Variants in TENM3 observed in about 807,000 individuals in gnomAD.
The protein encoded by TENM3 is teneurin transmembrane protein 3, also known as teneurin-3.
A neutral mutation model predicts 255.1 loss-of-function variants in TENM3; 63 were observed. The ratio of observed to expected loss-of-function variants is 0.25; its 90% CI spans 0.20 to 0.30. TENM3 has a LOEUF of 0.30. TENM3 is among the 10% of genes least tolerant of loss of function. The pLI is 1.00. For synonymous variants in TENM3, 1,306 were observed against 1,322.3 expected, an observed-to-expected ratio of 0.99 and a Z score of 0.27; for missense variants, 2,929 against 3,461.1, an observed-to-expected ratio of 0.85 and a Z score of 3.86.
chr4:181,488,888 G>A, the TENM3 span, among the ~76,000 whole-genome samples: 36 of 152,130 alleles, frequency 2.4e-4, no homozygotes, highest in African/African-American at 6.3e-4. Context: ...TATTTGCCTC[G>A]TCACGAACCT....
At chr4:182,649,958 G>A (rs565491349) in intron 5 of TENM3, among the ~76,000 whole-genome samples, 71 of 150,494 alleles carry the variant, frequency 4.7e-4, no homozygotes, top group African/African-American at 1.5e-3. Flanking sequence ...TCAGAAGGTC[G>A]GGGTTTGAGG....
chr4:182,130,956 T>C, the TENM3 span, among the ~76,000 whole-genome samples: 1 of 152,150 alleles, frequency 6.6e-6, no homozygotes, highest in African/African-American at 2.4e-5. Flanking sequence ...ACTTCTTGTG[T>C]GGCAGATTTA....
At chr4:181,699,722 T>C in the TENM3 span, among the ~76,000 whole-genome samples, 3 of 152,130 alleles carry the variant, frequency 2.0e-5, no homozygotes, top group Non-Finnish European at 2.9e-5. Flanking sequence ...TTTCCTTTTG[T>C]AACAAAACAA....
Position 182,352,133 on chromosome 4 carries a change from C to G in TENM3, c.511+5204C>G, listed in dbSNP as rs372193304. ...CCTCCTTCCTTACCCCACCCCACCC[C>G]AGGGCTGCATTCATCAAGTGTTCTG... is the stretch of plus-strand genomic sequence containing the variant. On this transcript the variant is annotated intron_variant, in intron 3 of 27. Coordinates refer to ENST00000511685, the MANE Select transcript of TENM3 (RefSeq NM_001080477.4). 2.0e-5 allele frequency among the ~76,000 whole-genome samples: 3 copies of G among 151,970 alleles called. No individual in the cohort carries two copies. In the East Asian group the frequency reaches 5.9e-4, roughly 30 times the overall value.
chr4:182,701,210 C>CTTTT (rs35538818), intron 12 of TENM3, among the ~76,000 whole-genome samples: 779 of 38,644 alleles, frequency 0.02, 282 homozygotes, highest in Middle Eastern at 0.067. Flanking sequence ...CAACTCTTGA[C>CTTTT]TTTTTTTTTT....
the TENM3 span, among the ~76,000 whole-genome samples, chr4:181,653,427 C>T: frequency 2.8e-5 from 4 of 141,806 alleles, no homozygotes; most frequent in East Asian, 2.1e-4. Flanking sequence ...TGTTTGTTTT[C>T]GAGATGGAGT....
At chr4:181,512,983 A>G in the TENM3 span, among the ~76,000 whole-genome samples, 3 of 152,220 alleles carry the variant, frequency 2.0e-5, no homozygotes, top group Admixed American at 2.0e-4. Flanking sequence ...GCAAAATGTA[A>G]GGAAACAAAT....
chr4:182,510,757 AT>A (rs1560850150), intron 3 of TENM3, among the ~76,000 whole-genome samples: 2 of 151,942 alleles, frequency 1.3e-5, no homozygotes, highest in East Asian at 1.9e-4. Context: ...TTTTTGCAAC[AT>A]TTTTTTCTAA....
chr4:182,449,965 C>G (rs1773312047), intron 3 of TENM3, among the ~76,000 whole-genome samples: 1 of 152,216 alleles, frequency 6.6e-6, no homozygotes, highest in Non-Finnish European at 1.5e-5. Flanking sequence ...TTTCCTCCCT[C>G]TCCTGTGCTG....
At chr4:182,047,266 G>A in the TENM3 span, among the ~76,000 whole-genome samples, 2 of 152,040 alleles carry the variant, frequency 1.3e-5, no homozygotes, top group Non-Finnish European at 2.9e-5. Context: ...ATAAGTATGT[G>A]TTAAATGCAT....
chr4:181,759,888 C>T, the TENM3 span, among the ~76,000 whole-genome samples: 1 of 151,980 alleles, frequency 6.6e-6, no homozygotes. Flanking sequence ...TAAACTCTTC[C>T]TAACAGCCTT....
At chr4:181,809,313 C>T in the TENM3 span, among the ~76,000 whole-genome samples, 1 of 152,126 alleles carries the variant, frequency 6.6e-6, no homozygotes, top group African/African-American at 2.4e-5. Context: ...ACATAAATTT[C>T]GTTTTTAAAA....
intron 3 of TENM3, among the ~76,000 whole-genome samples, chr4:182,543,628 C>T (rs542590588): frequency 3.3e-5 from 5 of 151,866 alleles, no homozygotes; most frequent in Non-Finnish European, 5.9e-5. Context: ...TCTTTTTTTT[C>T]ACCAAAAAAC....
chr4:181,448,831 T>A, the TENM3 span, among the ~76,000 whole-genome samples: 43 of 151,240 alleles, frequency 2.8e-4, no homozygotes, highest in East Asian at 7.5e-3. Context: ...GCATTTAAAG[T>A]TTTTTTTACT....
At chr4:182,277,899 T>C (rs1760110329) in intron 1 of TENM3, among the ~76,000 whole-genome samples, 1 of 152,220 alleles carries the variant, frequency 6.6e-6, no homozygotes, top group South Asian at 2.1e-4. Context: ...TATACTTAGA[T>C]AACATTTACA....
At chr4:181,578,234 C>CTTTG in the TENM3 span, among the ~76,000 whole-genome samples, 100,175 of 151,410 alleles carry the variant, frequency 0.66, 33,447 homozygotes, top group South Asian at 0.77. Flanking sequence ...CTTTCCTTTT[C>CTTTG]TTTGTTTGTT....
At chr4:182,335,717 T>C (rs1764094310) in intron 2 of TENM3, among the ~76,000 whole-genome samples, 1 of 152,048 alleles carries the variant, frequency 6.6e-6, no homozygotes, top group African/African-American at 2.4e-5. Context: ...TAAAACCTTT[T>C]ACATGTAAAT....
At chr4:181,608,723 G>A in the TENM3 span, among the ~76,000 whole-genome samples, 41 of 152,268 alleles carry the variant, frequency 2.7e-4, no homozygotes, top group African/African-American at 4.6e-4. Flanking sequence ...TATCAAGTGC[G>A]TATGAAGCTG....
intron 1 of TENM3, among the ~76,000 whole-genome samples, chr4:182,297,507 C>T (rs1365782356): frequency 1.3e-5 from 2 of 152,182 alleles, no homozygotes; most frequent in Admixed American, 1.3e-4. Context: ...CCTGTGGTTT[C>T]AGATTTCGTC....
Sources: allele counts gnomAD v4.1 joint callset (sites outside exome capture counted in the v4.1 genomes callset), GRCh38; gene constraint gnomAD v4.1.1; transcripts MANE v1.5; gene names NCBI Gene and HGNC (gene_info 2026-07-23, HGNC 2026-07-21).